The following PARD3B variants were observed in gnomAD, a reference collection of about 807,000 sequenced individuals.
PARD3B encodes the protein par-3 family cell polarity regulator beta.
In PARD3B, 103 loss-of-function variants were observed where a neutral mutation model predicts 130.2. The observed-to-expected ratio is 0.79, with a 90% confidence interval of 0.67 to 0.93. PARD3B has a LOEUF of 0.93. PARD3B is among the 40% of genes least tolerant of loss of function. PARD3B has a pLI of 0.00. For missense variants in PARD3B, 1,609 were observed against 1,499.2 expected (o/e 1.07, Z -1.21); for synonymous variants, 583 against 553.2 (o/e 1.05, Z -0.76).
intron 18 of PARD3B, among the ~76,000 whole-genome samples, chr2:205,394,531 C>T (rs979065314): frequency 2.6e-5 from 4 of 152,154 alleles, no homozygotes; most frequent in Non-Finnish European, 5.9e-5. Context: ...CTTTCATCTC[C>T]TATGCCAATG....
rs549451039 is a variant in PARD3B, at chr2:204,943,894, A to C, written c.223-21258A>C. ...AACAAAGTTAAAGCCCAAAGAGTAA[A>C]ATACTAAAGGGAAATTTAAAATAAA... On this transcript the variant is annotated intron_variant, in intron 2 of 22. Coordinates refer to ENST00000406610, the MANE Select transcript of PARD3B (RefSeq NM_001302769.2). The surrounding 1 kb of genome is among the most constrained non-coding windows in gnomAD (Gnocchi z 4.2). 3.3e-5 allele frequency among the ~76,000 whole-genome samples: 5 copies of C among 152,332 alleles called. No individual in the cohort carries two copies. In the South Asian group the frequency reaches 1.0e-3, roughly 32 times the overall value.
At chr2:205,330,255 C>G (rs1422060900) in intron 18 of PARD3B, among the ~76,000 whole-genome samples, 2 of 151,950 alleles carry the variant, frequency 1.3e-5, no homozygotes, top group Non-Finnish European at 2.9e-5. Flanking sequence ...GGAGGAGAAT[C>G]GCTTGAACCT....
At chr2:205,471,431 G>T (rs534700628) in intron 20 of PARD3B, among the ~76,000 whole-genome samples, 1 of 138,978 alleles carries the variant, frequency 7.2e-6, no homozygotes, top group Non-Finnish European at 1.5e-5. Flanking sequence ...GCGCAATCTC[G>T]GCTCACTGCA....
At chr2:205,106,326 T>G (rs899355616) in intron 5 of PARD3B, among the ~76,000 whole-genome samples, 9 of 151,930 alleles carry the variant, frequency 5.9e-5, no homozygotes, top group African/African-American at 2.2e-4. Flanking sequence ...ATTTTGTATT[T>G]ATAGCAGAGA....
chr2:204,918,607 G>T (rs1341306336), intron 2 of PARD3B, among the ~76,000 whole-genome samples: 3 of 148,504 alleles, frequency 2.0e-5, no homozygotes, highest in African/African-American at 7.5e-5. Flanking sequence ...TCCAGCCTGG[G>T]CGACAGAGCG....
chr2:204,929,075 A>G (rs1687838280), intron 2 of PARD3B, among the ~76,000 whole-genome samples: 1 of 151,918 alleles, frequency 6.6e-6, no homozygotes, highest in South Asian at 2.1e-4. Flanking sequence ...TATTGCATGC[A>G]GTTGGTTTTC....
At chr2:204,622,878 G>A (rs1253174815) in intron 1 of PARD3B, among the ~76,000 whole-genome samples, 1 of 152,062 alleles carries the variant, frequency 6.6e-6, no homozygotes, top group East Asian at 1.9e-4. Flanking sequence ...TGTATAATGA[G>A]TTGGTAGAAA....
rs184240037 is a variant in PARD3B at position 204,799,513 on chromosome 2, G to T, written c.222+113231G>T. Among the ~76,000 whole-genome samples, 5 of 152,294 alleles carry T rather than the reference G, an allele frequency of 3.3e-5. No individual in the cohort carries two copies. The highest frequency in any genetic ancestry group is 1.3e-4 in the Admixed American group (2 of 15,310). ...CTGCTCACTGAAGAGCCCTTGGGCC[G>T]TGAGTGAACATTCACAGCCAGACAG... On this transcript the variant is annotated intron_variant, in intron 2 of 22. Transcript: ENST00000406610. The surrounding 1 kb of genome is among the most constrained non-coding windows in gnomAD (Gnocchi z 4.1).
intron 2 of PARD3B, among the ~76,000 whole-genome samples, chr2:204,751,025 G>A (rs1343005075): frequency 2.0e-5 from 3 of 152,100 alleles, no homozygotes; most frequent in Admixed American, 6.6e-5. Context: ...TATGCCTGTG[G>A]AAAAGTTAAT....
At chr2:204,585,233 A>G (rs2032764561) in intron 1 of PARD3B, among the ~76,000 whole-genome samples, 1 of 152,158 alleles carries the variant, frequency 6.6e-6, no homozygotes, top group Admixed American at 6.5e-5. Flanking sequence ...GAGGCAGCAG[A>G]CCTGAAAACA....
chr2:205,509,879 C>G (rs1366414737), intron 21 of PARD3B, among the ~76,000 whole-genome samples: 1 of 152,206 alleles, frequency 6.6e-6, no homozygotes, highest in Non-Finnish European at 1.5e-5. Context: ...TGGGTCTGCC[C>G]TCTGTGGCCC....
intron 1 of PARD3B, among the ~76,000 whole-genome samples, chr2:204,639,926 C>A (rs374789114): frequency 2.6e-5 from 4 of 152,240 alleles, no homozygotes; most frequent in East Asian, 1.9e-4. Context: ...CAGTTGAACT[C>A]ACACCAAGTT....
At chr2:205,145,582 T>C (rs1181170889) in intron 10 of PARD3B, among the ~76,000 whole-genome samples, 1 of 152,154 alleles carries the variant, frequency 6.6e-6, no homozygotes, top group Non-Finnish European at 1.5e-5. Flanking sequence ...CTCTGTGGCA[T>C]CTCTCAGACC....
At chr2:204,827,798 A>G (rs1030360494) in intron 2 of PARD3B, among the ~76,000 whole-genome samples, 1 of 152,238 alleles carries the variant, frequency 6.6e-6, no homozygotes, top group African/African-American at 2.4e-5. Context: ...TTCAAGATTA[A>G]GTTTTGAAGT....
intron 10 of PARD3B, among the ~76,000 whole-genome samples, chr2:205,154,144 C>T (rs1025292384): frequency 1.3e-5 from 2 of 151,614 alleles, no homozygotes; most frequent in Non-Finnish European, 2.9e-5. Context: ...TGCAATCTAC[C>T]CATCTGACAA....
intron 15 of PARD3B, among the ~76,000 whole-genome samples, chr2:205,226,593 C>T (rs2038564797): frequency 6.6e-6 from 1 of 152,080 alleles, no homozygotes; most frequent in Non-Finnish European, 1.5e-5. Flanking sequence ...CCAGTTTTCC[C>T]AGTACCGTTT....
At chr2:204,568,402 G>A (rs1316715103) in intron 1 of PARD3B, among the ~76,000 whole-genome samples, 1 of 152,156 alleles carries the variant, frequency 6.6e-6, no homozygotes, top group Non-Finnish European at 1.5e-5. Flanking sequence ...AGAATGTTTT[G>A]TTCTTGACTG....
At chr2:205,295,189 T>C (rs2041745091) in intron 16 of PARD3B, among the ~76,000 whole-genome samples, 1 of 152,228 alleles carries the variant, frequency 6.6e-6, no homozygotes, top group Non-Finnish European at 1.5e-5. Context: ...GAATTTACAA[T>C]AATTTTGTAT....
At position 205,258,385 on chromosome 2, in the gene PARD3B, G is replaced by C. The variant is rs1381048640; in HGVS notation, c.2185+12563G>C. On this transcript the variant is annotated intron_variant, in intron 16 of 22. Transcript: ENST00000406610. The surrounding 1 kb of genome is among the most constrained non-coding windows in gnomAD (Gnocchi z 4.9). ...CTGATTCACTCTGATTCAATTCTCA[G>C]GTCAAATGTTCTTTCTTCAAAGACA... Among the ~76,000 whole-genome samples the C allele has an allele frequency of 6.6e-6, 1 of 152,056 alleles. No homozygotes were observed. The highest frequency in any genetic ancestry group is 2.4e-5 in the African/African-American group (1 of 41,370).
Sources: allele counts gnomAD v4.1 joint callset (sites outside exome capture counted in the v4.1 genomes callset), GRCh38; gene constraint gnomAD v4.1.1; non-coding constraint Gnocchi (gnomAD v3.1); transcripts MANE v1.5; gene names NCBI Gene and HGNC (gene_info 2026-07-23, HGNC 2026-07-21).